Variants in SLCO6A1 observed in about 807,000 individuals in gnomAD.
SLCO6A1 encodes the protein cancer/testis antigen 48.
In SLCO6A1, 65 loss-of-function variants were observed where a neutral mutation model predicts 72.7. The observed-to-expected ratio is 0.89, with a 90% CI of 0.73 to 1.10. SLCO6A1 has a LOEUF of 1.10. Ranked by LOEUF, SLCO6A1 falls within the 50% of genes least tolerant of loss-of-function variation. The pLI is 0.00. For synonymous variants in SLCO6A1, 314 were observed against 298.2 expected (o/e 1.05, Z -0.55); for missense variants, 874 against 872.6 (o/e 1.00, Z -0.02).
chr5:102,496,215 G>A (rs943909201), intron 1 of SLCO6A1, among the ~76,000 whole-genome samples: 1 of 152,130 alleles, frequency 6.6e-6, no homozygotes, highest in East Asian at 1.9e-4. Flanking sequence ...AAGAGAAGGC[G>A]AAGGAACAAA....
At position 102,463,992 on chromosome 5, in the gene SLCO6A1, G is replaced by A. The variant is rs559456083; in HGVS notation, c.900-4215C>T. ...CTCATTAGTGGGAGCTAAGCTATGA[G>A]CATGTAAAGGCATAAGAAGAAATGT... On this transcript the variant is annotated intron_variant, in intron 4 of 13. Coordinates refer to ENST00000506729, the MANE Select transcript of SLCO6A1 (RefSeq NM_173488.5). Among the ~76,000 whole-genome samples, 17 of 152,152 alleles carry A rather than the reference G, an allele frequency of 1.1e-4. No individual in the cohort carries two copies. The East Asian group carries it at 2.7e-3, about 24-fold the overall frequency.
At chr5:102,401,067 G>GT (rs1448256857) in intron 9 of SLCO6A1, among the ~76,000 whole-genome samples, 1 of 151,712 alleles carries the variant, frequency 6.6e-6, no homozygotes, top group Non-Finnish European at 1.5e-5. Flanking sequence ...TATTGGGGGG[G>GT]TTATAGGACA....
chr5:102,487,930 G>A (rs1752513577), intron 1 of SLCO6A1, among the ~76,000 whole-genome samples: 1 of 152,132 alleles, frequency 6.6e-6, no homozygotes, highest in Non-Finnish European at 1.5e-5. Context: ...GACCAAGGCA[G>A]AATCTAAAAG....
chr5:102,421,452 T>C (rs967006517), intron 7 of SLCO6A1, among the ~76,000 whole-genome samples: 2 of 152,078 alleles, frequency 1.3e-5, no homozygotes, highest in Non-Finnish European at 2.9e-5. Context: ...GCATCTGCCA[T>C]TACTGAGGCT....
At chr5:102,427,705 ATTGACTTTAGTT>A (rs1469941974) in intron 7 of SLCO6A1, among the ~76,000 whole-genome samples, 3 of 151,724 alleles carry the variant, frequency 2.0e-5, no homozygotes, top group Non-Finnish European at 4.4e-5. Flanking sequence ...TGCACAAACT[ATTGACTTTAGTT>A]AGTAATATTG....
rs568457466 is a variant in SLCO6A1, at chr5:102,376,929, C to T, written c.2018-3435G>A. 1.5e-3 allele frequency among the ~76,000 whole-genome samples: 232 copies of T among 152,148 alleles called. 2 individuals carry two copies. Among genetic ancestry groups the T allele is most frequent in the Middle Eastern group, 6.8e-3 (2 of 294 alleles). ...CCTGTAATTCCAAAACCTTGGGAGG[C>T]GAGGCAGGAGGATCACTTGAGGCCA... On this transcript the variant is annotated intron_variant, in intron 12 of 13. Coordinates refer to ENST00000506729, the MANE Select transcript of SLCO6A1 (RefSeq NM_173488.5).
intron 6 of SLCO6A1, among the ~76,000 whole-genome samples, chr5:102,445,864 G>A (rs1750080916): frequency 6.6e-6 from 1 of 152,180 alleles, no homozygotes; most frequent in African/African-American, 2.4e-5. Flanking sequence ...CTTTGTTGAA[G>A]ATCAGATGGC....
At chr5:102,377,997 T>C (rs1029431023) in intron 12 of SLCO6A1, among the ~76,000 whole-genome samples, 10 of 151,506 alleles carry the variant, frequency 6.6e-5, no homozygotes, top group Non-Finnish European at 1.3e-4. Flanking sequence ...TTCTGCTTAT[T>C]GAATATTTAT....
chr5:102,412,297 G>A (rs891289338), intron 9 of SLCO6A1, among the ~76,000 whole-genome samples: 1 of 152,038 alleles, frequency 6.6e-6, no homozygotes, highest in Non-Finnish European at 1.5e-5. Context: ...TTGAGCACAC[G>A]TTCTCAGGAC....
chr5:102,470,817 TC>T, intron 4 of SLCO6A1, among the ~76,000 whole-genome samples: 1 of 152,198 alleles, frequency 6.6e-6, no homozygotes, highest in Non-Finnish European at 1.5e-5. Flanking sequence ...ATATGACTTG[TC>T]TTAAGGCCTC....
intron 1 of SLCO6A1, among the ~76,000 whole-genome samples, chr5:102,484,526 G>A (rs1330048394): frequency 1.3e-5 from 2 of 151,948 alleles, no homozygotes; most frequent in African/African-American, 4.8e-5. Flanking sequence ...GCGGGTGCCT[G>A]TAATCTCAGC....
At chr5:102,383,994 G>A (rs1746266074) in intron 12 of SLCO6A1, among the ~76,000 whole-genome samples, 1 of 151,656 alleles carries the variant, frequency 6.6e-6, no homozygotes, top group African/African-American at 2.4e-5. Flanking sequence ...ATAGTCTCAT[G>A]ATCCTTTTTA....
At chr5:102,429,940 T>A (rs983138943) in intron 7 of SLCO6A1, among the ~76,000 whole-genome samples, 1 of 152,224 alleles carries the variant, frequency 6.6e-6, no homozygotes. Flanking sequence ...TTCATAAGCA[T>A]GGAGTGTTTT....
Position 102,390,968 on chromosome 5 carries a change from CA to C in SLCO6A1, c.1879+12del. The C allele has an allele frequency of 6.2e-7, 1 of 1,612,642 alleles. No homozygotes were observed. Among genetic ancestry groups the C allele is most frequent in the Non-Finnish European group, 8.5e-7 (1 of 1,179,082 alleles). On this transcript the variant is annotated intron_variant, in intron 11 of 13. Coordinates refer to ENST00000506729, the MANE Select transcript of SLCO6A1 (RefSeq NM_173488.5). ...ACATTTTGATGTAATAAGAGATTGC[CA>C]AAAATCCATACCAAATATTCTCAAA...
At chr5:102,394,643 T>C (rs1580346751) in intron 10 of SLCO6A1, among the ~76,000 whole-genome samples, 1 of 152,014 alleles carries the variant, frequency 6.6e-6, no homozygotes, top group South Asian at 2.1e-4. Context: ...CTGTAAAAAA[T>C]AAATAGAGAG....
intron 11 of SLCO6A1, among the ~76,000 whole-genome samples, chr5:102,389,445 GC>G (rs200901362): frequency 1.4e-4 from 5 of 35,166 alleles, no homozygotes; most frequent in Non-Finnish European, 2.8e-4. Flanking sequence ...CACACACCCC[GC>G]CCCCCACCCC....
Position 102,399,671 on chromosome 5 carries a change from G to A in SLCO6A1, c.1698C>T (p.Ala566=), listed in dbSNP as rs761419609. The A allele has an allele frequency of 1.2e-6, 2 of 1,609,090 alleles. No homozygotes were observed. Among genetic ancestry groups the A allele is most frequent in the Admixed American group, 3.3e-5 (2 of 59,882 alleles). Residue 566 remains alanine, a synonymous_variant, in exon 10 of 14, where the codon GCC becomes GCT. Transcript: ENST00000506729. The stretch of plus-strand genomic sequence containing the variant: ...ACTTTGCATCACATTTCCCGGGTCT[G>A]GCATCAATAAAATCACCTTCTGCAT... The part of the protein sequence containing the change: ...TADAEGDFID[A]RPGKCDAKCY...
Position 102,498,553 on chromosome 5 carries a change from AG to A in SLCO6A1, c.291del (p.Cys98AlafsTer12), listed in dbSNP as rs762554598. The A allele has an allele frequency of 2.4e-5, 38 of 1,614,138 alleles. No homozygotes were observed. Among genetic ancestry groups the A allele is most frequent in the Non-Finnish European group, 3.0e-5 (35 of 1,180,044 alleles). Reference protein sequence around the residue: ...QPCGLGCLVSTCCECCNNIRC... With the variant: ...QPCGLGCLVSXCCECCNNIRC... ...CGAATGTTATTGCAACACTCACAGC[AG>A]GTGCTGACTAAGCAGCCCAAACCAC... is the stretch of plus-strand genomic sequence containing the variant. On this transcript the variant is annotated frameshift_variant, in exon 1 of 14. Transcript: ENST00000506729. LOFTEE classifies it high-confidence loss of function.
At position 102,459,793 on chromosome 5, in the gene SLCO6A1, G is replaced by GT; in HGVS notation, c.900-17dup. ...GACTGTAGTGCTTTAATAAAGAAAAGTGAAAAAAAAAAGCAACTTTAGGTA... is the reference window on the plus strand; with the variant it reads ...GACTGTAGTGCTTTAATAAAGAAAAGTTGAAAAAAAAAAGCAACTTTAGGTA... On this transcript the variant is annotated splice_polypyrimidine_tract_variant and intron_variant, in intron 4 of 13. Coordinates refer to ENST00000506729, the MANE Select transcript of SLCO6A1 (RefSeq NM_173488.5). The GT allele has an allele frequency of 3.3e-6, 5 of 1,518,258 alleles. No homozygotes were observed. Among genetic ancestry groups the GT allele is most frequent in the Non-Finnish European group, 3.5e-6 (4 of 1,137,406 alleles). 94.0% of individuals were successfully genotyped at this position (1,518,258 alleles called of 1,614,324 possible). A position where few individuals can be genotyped will look rare whatever the true frequency, so the allele number is the denominator to read the frequency against.
Sources: allele counts gnomAD v4.1 joint callset (sites outside exome capture counted in the v4.1 genomes callset), GRCh38; gene constraint gnomAD v4.1.1; transcripts MANE v1.5; gene names NCBI Gene and HGNC (gene_info 2026-07-23, HGNC 2026-07-21).